KIRREL3: variants seen among roughly 807,000 people sequenced by gnomAD.
KIRREL3 encodes kirre like nephrin family adhesion molecule 3.
In KIRREL3, 36 loss-of-function variants were observed where a neutral mutation model predicts 89.7. The ratio of observed to expected loss-of-function variants is 0.40; its 90% CI spans 0.31 to 0.53. The LOEUF (loss-of-function observed/expected upper bound fraction) is 0.53. Ranked by LOEUF, KIRREL3 falls within the 20% of genes least tolerant of loss-of-function variation. The probability of loss-of-function intolerance (pLI) is 0.49; values close to 1 mark genes in which losing one functional copy is unlikely to be tolerated. For synonymous variants in KIRREL3, 445 were observed against 441.4 expected (o/e 1.01, Z -0.10); for missense variants, 864 against 1,056.6 (o/e 0.82, Z 2.53).
Position 126,523,338 on chromosome 11 carries a change from G to T in KIRREL3, c.284-1874C>A, listed in dbSNP as rs1958654003. 6.6e-6 allele frequency among the ~76,000 whole-genome samples: 1 copy of T among 152,168 alleles called. No individual in the cohort carries two copies. The highest frequency in any genetic ancestry group is 2.4e-5 in the African/African-American group (1 of 41,430). ...AAGTGAAGGTTCTTCTGGAGGTGGGGCAGGCCTCCCTGGGGGTGGGCTGTA... is the reference window on the plus strand; with the variant it reads ...AAGTGAAGGTTCTTCTGGAGGTGGGTCAGGCCTCCCTGGGGGTGGGCTGTA... On this transcript the variant is annotated intron_variant, in intron 3 of 16. Coordinates refer to ENST00000525144, the MANE Select transcript of KIRREL3 (RefSeq NM_032531.4). The surrounding 1 kb of genome is among the most constrained non-coding windows in gnomAD (Gnocchi z 4.9).
intron 1 of KIRREL3, among the ~76,000 whole-genome samples, chr11:126,714,855 C>T (rs1413538711): frequency 6.6e-6 from 1 of 152,164 alleles, no homozygotes; most frequent in African/African-American, 2.4e-5. Context: ...CCTGAGCTGC[C>T]TGAGGTGGGG....
At chr11:126,472,426 C>T (rs1217606182) in intron 5 of KIRREL3, among the ~76,000 whole-genome samples, 1 of 152,156 alleles carries the variant, frequency 6.6e-6, no homozygotes, top group Non-Finnish European at 1.5e-5. Context: ...GTGGAAGGGA[C>T]AAGGGGTCTC....
At position 126,955,268 on chromosome 11, in the gene KIRREL3, G is replaced by C. The variant is rs1453181188; in HGVS notation, c.55+45187C>G. ...AAAGAAAGTATTTCTCTAGCAAACA[G>C]CAATGCTTTGAAAGCAATTGACAGA... On this transcript the variant is annotated intron_variant, in intron 1 of 16. Transcript: ENST00000525144. The surrounding 1 kb of genome is among the most constrained non-coding windows in gnomAD (Gnocchi z 4.6). Among the ~76,000 whole-genome samples, 1 of 152,230 alleles carries C rather than the reference G, an allele frequency of 6.6e-6. No homozygotes were observed. The highest frequency in any genetic ancestry group is 1.5e-5 in the Non-Finnish European group (1 of 68,050).
upstream of KIRREL3, among the ~76,000 whole-genome samples, chr11:127,002,049 A>G (rs570831772): frequency 1.3e-4 from 20 of 152,310 alleles, no homozygotes; most frequent in African/African-American, 4.8e-4. Context: ...TTTCAGTAGT[A>G]GCACATCTTT....
intron 1 of KIRREL3, among the ~76,000 whole-genome samples, chr11:126,888,325 C>G (rs1204841800): frequency 6.6e-6 from 1 of 152,154 alleles, no homozygotes. Flanking sequence ...CAGTTCAGCT[C>G]TTCTACCTCA....
chr11:126,918,856 A>C lies in KIRREL3; in HGVS notation c.55+81599T>G, dbSNP rs2134960062. 6.6e-6 allele frequency among the ~76,000 whole-genome samples: 1 copy of C among 152,288 alleles called. No homozygotes were observed. The highest frequency in any genetic ancestry group is 1.9e-4 in the East Asian group (1 of 5,184). The stretch of plus-strand genomic sequence containing the variant: ...TGCCAAGACATTCCTATGACACCAG[A>C]TGGGGAATGTATTGTTACATGTATT... On this transcript the variant is annotated intron_variant, in intron 1 of 16. Coordinates refer to ENST00000525144, the MANE Select transcript of KIRREL3 (RefSeq NM_032531.4). The surrounding 1 kb of genome is among the most constrained non-coding windows in gnomAD (Gnocchi z 6.5).
rs2134589247 is a variant in KIRREL3 at position 126,563,202 on chromosome 11, C to A, written c.56-290G>T. On this transcript the variant is annotated intron_variant, in intron 1 of 16. Coordinates refer to ENST00000525144, the MANE Select transcript of KIRREL3 (RefSeq NM_032531.4). This position sits in a 1 kb window ranked among gnomAD's most constrained non-coding sequence, Gnocchi z 6.8. ...ATGAAAGAGCTAGCAGGTGGTAAAG[C>A]CAGAGCTTTGAACCTAGGCAGTCTG... 6.6e-6 allele frequency among the ~76,000 whole-genome samples: 1 copy of A among 152,238 alleles called. No homozygotes were observed. Among genetic ancestry groups the A allele is most frequent in the Middle Eastern group, 3.4e-3 (1 of 292 alleles).
At position 126,687,936 on chromosome 11, in the gene KIRREL3, A is replaced by C. The variant is rs58766381; in HGVS notation, c.56-125024T>G. Among the ~76,000 whole-genome samples, 824 of 152,370 alleles carry C rather than the reference A, an allele frequency of 5.4e-3. 10 individuals are homozygous for C. Among genetic ancestry groups the C allele is most frequent in the African/African-American group, 0.018 (754 of 41,590 alleles). On this transcript the variant is annotated intron_variant, in intron 1 of 16. Transcript: ENST00000525144. This position sits in a 1 kb window ranked among gnomAD's most constrained non-coding sequence, Gnocchi z 4.6. ...AAAAGAAAGCATCTAGAAAAAGGAA[A>C]TAAAGGGCTGTAGGTGTATCAAAGG...
At chr11:126,451,301 CATGTGTGT>C (rs1956126157) in intron 7 of KIRREL3, among the ~76,000 whole-genome samples, 1 of 119,908 alleles carries the variant, frequency 8.3e-6, no homozygotes, top group African/African-American at 3.4e-5. Flanking sequence ...TGCATGTGTG[CATGTGTGT>C]GCATGTGGTT....
chr11:126,463,776 T>C lies in KIRREL3; in HGVS notation c.592-469A>G, dbSNP rs1956628003. On this transcript the variant is annotated intron_variant, in intron 5 of 16. Transcript: ENST00000525144. This position sits in a 1 kb window ranked among gnomAD's most constrained non-coding sequence, Gnocchi z 5.9. ...TGCAGAGGAGGCACAGTTTGGGGAA[T>C]GGGAGTCAGAGTGGGTGGGGATATG... is the stretch of plus-strand genomic sequence containing the variant. Among the ~76,000 whole-genome samples, 1 of 152,074 alleles carries C rather than the reference T, an allele frequency of 6.6e-6. No homozygotes were observed. The highest frequency in any genetic ancestry group is 2.4e-5 in the African/African-American group (1 of 41,394).
chr11:126,858,597 A>C (rs909790179), intron 1 of KIRREL3, among the ~76,000 whole-genome samples: 1 of 151,826 alleles, frequency 6.6e-6, no homozygotes, highest in African/African-American at 2.4e-5. Flanking sequence ...CACAAGGCAG[A>C]CTCATATTTT....
chr11:126,774,882 T>C (rs1236472949), intron 1 of KIRREL3, among the ~76,000 whole-genome samples: 5 of 152,284 alleles, frequency 3.3e-5, no homozygotes, highest in African/African-American at 9.6e-5. Context: ...CTTCTATTTT[T>C]AAAGTTGCTG....
At chr11:126,831,655 C>A (rs1943612657) in intron 1 of KIRREL3, among the ~76,000 whole-genome samples, 1 of 152,142 alleles carries the variant, frequency 6.6e-6, no homozygotes, top group African/African-American at 2.4e-5. Flanking sequence ...ACTTTTACCC[C>A]AAATTTAGAA....
chr11:126,883,970 G>A lies in KIRREL3; in HGVS notation c.55+116485C>T, dbSNP rs1274478026. ...TCAAAGACATGAGCCCCCTGTTCCT[G>A]CAGGTATTAAAGTGGAGGGTGACTG... On this transcript the variant is annotated intron_variant, in intron 1 of 16. Coordinates refer to ENST00000525144, the MANE Select transcript of KIRREL3 (RefSeq NM_032531.4). The surrounding 1 kb of genome is among the most constrained non-coding windows in gnomAD (Gnocchi z 4.1). Among the ~76,000 whole-genome samples the A allele has an allele frequency of 2.0e-5, 3 of 152,178 alleles. No individual in the cohort carries two copies. The highest frequency in any genetic ancestry group is 7.2e-5 in the African/African-American group (3 of 41,438).
rs1352239791 is a variant in KIRREL3, at chr11:126,484,464, AT to A, written c.434-10999del. On this transcript the variant is annotated intron_variant, in intron 4 of 16. Transcript: ENST00000525144. This position sits in a 1 kb window ranked among gnomAD's most constrained non-coding sequence, Gnocchi z 5.2. ...TAAGGTAGATACAATGACGATGCAT[AT>A]TTTGGAGGTGAGGAAACAGCCACAA... Among the ~76,000 whole-genome samples the A allele has an allele frequency of 6.6e-6, 1 of 152,226 alleles. No homozygotes were observed. The highest frequency in any genetic ancestry group is 1.5e-5 in the Non-Finnish European group (1 of 68,038).
chr11:126,969,493 A>T lies in KIRREL3; in HGVS notation c.55+30962T>A, dbSNP rs1949371137. Among the ~76,000 whole-genome samples the T allele has an allele frequency of 6.6e-6, 1 of 152,180 alleles. No individual in the cohort carries two copies. The highest frequency in any genetic ancestry group is 2.4e-5 in the African/African-American group (1 of 41,444). ...ATGAACAGGTGTGAACCAGGGGAAG[A>T]GGGAGTAAGAACGTCTCCTGAGGGC... On this transcript the variant is annotated intron_variant, in intron 1 of 16. Coordinates refer to ENST00000525144, the MANE Select transcript of KIRREL3 (RefSeq NM_032531.4). The surrounding 1 kb of genome is among the most constrained non-coding windows in gnomAD (Gnocchi z 4.9).
rs533916014 is a variant in KIRREL3 at position 126,804,971 on chromosome 11, T to C, written c.55+195484A>G. Reference sequence around the variant, plus strand: ...GTGGATGAGGTCGGCTCCACAATCATTTTGGTTGTGGGAAAGGGTTATGAG... The same window carrying C: ...GTGGATGAGGTCGGCTCCACAATCACTTTGGTTGTGGGAAAGGGTTATGAG... On this transcript the variant is annotated intron_variant, in intron 1 of 16. Coordinates refer to ENST00000525144, the MANE Select transcript of KIRREL3 (RefSeq NM_032531.4). Among the ~76,000 whole-genome samples the C allele has an allele frequency of 2.6e-5, 4 of 152,216 alleles. No individual in the cohort carries two copies. In the East Asian group the frequency reaches 5.8e-4, roughly 22 times the overall value.
At chr11:126,603,084 T>G (rs1203450819) in intron 1 of KIRREL3, among the ~76,000 whole-genome samples, 2 of 152,174 alleles carry the variant, frequency 1.3e-5, no homozygotes, top group African/African-American at 4.8e-5. Flanking sequence ...GGGAGGGGTC[T>G]GCCACACTCC....
At chr11:126,681,737 G>A (rs1281554183) in intron 1 of KIRREL3, 1 of 356,490 alleles carries the variant, frequency 2.8e-6, no homozygotes, top group African/African-American at 2.1e-5. Flanking sequence ...TTGTTTAATT[G>A]AATTTCTCTT....
Sources: gnomAD v4.1 joint callset for allele counts (sites outside exome capture counted in the v4.1 genomes callset) on GRCh38, gnomAD v4.1.1 for gene constraint, Gnocchi (gnomAD v3.1) non-coding constraint, MANE v1.5 for transcripts, NCBI Gene and HGNC (gene_info 2026-07-23, HGNC 2026-07-21) for gene names.